The following SGCD variants were observed in gnomAD, a reference collection of about 807,000 sequenced individuals.
SGCD encodes the protein delta-sarcoglycan.
A neutral mutation model predicts 36.6 loss-of-function variants in SGCD; 18 were observed. That is an observed-to-expected ratio of 0.49 (90% CI 0.34 to 0.73). The LOEUF (loss-of-function observed/expected upper bound fraction) is 0.73, where lower values mean the gene tolerates loss of function less well. SGCD is among the 30% of genes least tolerant of loss of function. The pLI is 0.01. For missense variants in SGCD, 387 were observed against 346.7 expected, an observed-to-expected ratio of 1.12 and a Z score of -0.92; for synonymous variants, 133 against 130.6, an observed-to-expected ratio of 1.02 and a Z score of -0.12.
chr5:156,009,525 T>C (rs1758816844), intron 1 of SGCD, among the ~76,000 whole-genome samples: 1 of 152,186 alleles, frequency 6.6e-6, no homozygotes, highest in Non-Finnish European at 1.5e-5. Flanking sequence ...TGGATCATGC[T>C]CCCAAGGCTC....
rs1580961526 is a variant in SGCD at position 156,418,795 on chromosome 5, GC to G, written c.192+74120del. Among the ~76,000 whole-genome samples the G allele has an allele frequency of 3.3e-5, 5 of 152,278 alleles. No homozygotes were observed. In the East Asian group the frequency reaches 9.7e-4, roughly 29 times the overall value. On this transcript the variant is annotated intron_variant, in intron 3 of 8. Coordinates refer to ENST00000337851, the MANE Select transcript of SGCD (RefSeq NM_000337.6). Reference sequence around the variant, plus strand: ...GCTTCCATAGTAGAAGATGGTTTGTGCCAAAGTAAGTCCATTTCAAGCAAAA... The same window carrying G: ...GCTTCCATAGTAGAAGATGGTTTGTGCAAAGTAAGTCCATTTCAAGCAAAA...
At chr5:156,033,979 C>G (rs1014096449) in intron 1 of SGCD, among the ~76,000 whole-genome samples, 2 of 152,174 alleles carry the variant, frequency 1.3e-5, no homozygotes, top group African/African-American at 2.4e-5. Context: ...CAAGGGAAAA[C>G]TGTGTCTTGC....
intron 1 of SGCD, among the ~76,000 whole-genome samples, chr5:155,941,821 G>A (rs1338845393): frequency 6.6e-6 from 1 of 152,058 alleles, no homozygotes; most frequent in Non-Finnish European, 1.5e-5. Context: ...TACTATAGGA[G>A]GTGAAGTAGC....
At position 156,122,947 on chromosome 5, in the gene SGCD, G is replaced by A. The variant is rs1160336891; in HGVS notation, c.-207-909G>A. 6.2e-5 allele frequency among the ~76,000 whole-genome samples: 9 copies of A among 144,760 alleles called. 1 individual carries two copies. Among genetic ancestry groups the A allele is most frequent in the African/African-American group, 2.6e-5 (1 of 38,770 alleles). The allele number at this position is 144,760 out of a possible 152,430, so 95.0% of individuals were successfully genotyped here. A position where few individuals can be genotyped will look rare whatever the true frequency, so the allele number is the denominator to read the frequency against. On this transcript the variant is annotated intron_variant, in intron 2 of 9. Coordinates refer to the SGCD transcript ENST00000517913. ...AGAATGTGCTGATGAAATGGACAAT[G>A]TGAGGTATATAGGCAAGACAGGAAT...
chr5:156,291,172 T>A (rs1313160461), intron 3 of SGCD, among the ~76,000 whole-genome samples: 1 of 152,130 alleles, frequency 6.6e-6, no homozygotes, highest in East Asian at 1.9e-4. Context: ...GTACAAGTTT[T>A]AATGTTCAAT....
chr5:155,802,788 T>C, the SGCD span, among the ~76,000 whole-genome samples: 1 of 152,186 alleles, frequency 6.6e-6, no homozygotes, highest in East Asian at 1.9e-4. Flanking sequence ...TTCTCCTGTA[T>C]TTTTAGAGTT....
chr5:155,867,775 T>G (rs1755551006), upstream of SGCD, among the ~76,000 whole-genome samples: 2 of 152,216 alleles, frequency 1.3e-5, no homozygotes, highest in African/African-American at 4.8e-5. Context: ...TTCTCTAGGC[T>G]TGACATACAA....
chr5:156,104,355 A>C (rs967997642), intron 1 of SGCD, among the ~76,000 whole-genome samples: 1 of 152,170 alleles, frequency 6.6e-6, no homozygotes, highest in African/African-American at 2.4e-5. Flanking sequence ...TCCATATTTG[A>C]TCTTCACGAT....
At chr5:156,294,359 G>A (rs1766840744) in intron 3 of SGCD, among the ~76,000 whole-genome samples, 1 of 152,036 alleles carries the variant, frequency 6.6e-6, no homozygotes, top group Admixed American at 6.6e-5. Flanking sequence ...CATCTCAGGA[G>A]GCCGAGGCAA....
intron 3 of SGCD, among the ~76,000 whole-genome samples, chr5:156,492,742 T>A (rs960607947): frequency 6.6e-6 from 1 of 152,134 alleles, no homozygotes. Flanking sequence ...GGCCCTGGTA[T>A]GTGATGTTCC....
chr5:156,472,365 A>G (rs995377322), intron 3 of SGCD, among the ~76,000 whole-genome samples: 1 of 152,230 alleles, frequency 6.6e-6, no homozygotes, highest in African/African-American at 2.4e-5. Flanking sequence ...ACATTTTGGT[A>G]TATTCCTACT....
At chr5:156,043,784 T>C (rs1285032421) in intron 1 of SGCD, among the ~76,000 whole-genome samples, 1 of 152,190 alleles carries the variant, frequency 6.6e-6, no homozygotes, top group Non-Finnish European at 1.5e-5. Flanking sequence ...AAAGGAATTA[T>C]TACCATGTTT....
chr5:155,984,501 G>C (rs757720469), intron 1 of SGCD, among the ~76,000 whole-genome samples: 1 of 152,070 alleles, frequency 6.6e-6, no homozygotes, highest in African/African-American at 2.4e-5. Context: ...AATTCCTTTC[G>C]TTCTGAAGCA....
At chr5:156,193,793 G>A (rs568715611) in intron 3 of SGCD, among the ~76,000 whole-genome samples, 20 of 152,242 alleles carry the variant, frequency 1.3e-4, no homozygotes, top group African/African-American at 4.6e-4. Flanking sequence ...ATGCTTTTCT[G>A]GAGCCTTATG....
the SGCD span, among the ~76,000 whole-genome samples, chr5:155,816,840 A>G: frequency 1.2e-4 from 19 of 152,328 alleles, no homozygotes; most frequent in Admixed American, 3.3e-4. Context: ...AATGGCTGCT[A>G]AAAAGTAGTT....
chr5:156,423,408 A>G (rs1273599279), intron 3 of SGCD, among the ~76,000 whole-genome samples: 2 of 120,706 alleles, frequency 1.7e-5, no homozygotes, highest in African/African-American at 3.3e-5. Flanking sequence ...TTATTATAAT[A>G]TAATATATTA....
intron 6 of SGCD, among the ~76,000 whole-genome samples, chr5:156,646,519 G>A (rs1231982132): frequency 6.6e-6 from 1 of 152,064 alleles, no homozygotes; most frequent in Non-Finnish European, 1.5e-5. Flanking sequence ...TCAAAAGCAT[G>A]TTCTTTGTTG....
In SGCD at chr5:156,416,542, T is replaced by TG. The variant is rs975636613; in HGVS notation, c.192+71873dup. ...AAAAAAAAATTTTAAATGAAAAAAA[T>TG]GGGGGGGGAAAAAAGTGCTTTGGCA... is the stretch of plus-strand genomic sequence containing the variant. On this transcript the variant is annotated intron_variant, in intron 3 of 8. Transcript: ENST00000337851. Among the ~76,000 whole-genome samples the TG allele has an allele frequency of 1.0e-3, 157 of 151,852 alleles. 1 individual carries two copies. Among genetic ancestry groups the TG allele is most frequent in the Non-Finnish European group, 1.9e-3 (128 of 67,902 alleles).
At chr5:155,776,627 C>T in the SGCD span, among the ~76,000 whole-genome samples, 40,886 of 150,082 alleles carry the variant, frequency 0.27, 7,223 homozygotes, top group East Asian at 0.43. Flanking sequence ...GGGTCCTTTC[C>T]GCAACACCCC....
Sources: allele counts gnomAD v4.1 joint callset (sites outside exome capture counted in the v4.1 genomes callset), GRCh38; gene constraint gnomAD v4.1.1; transcripts MANE v1.5; gene names NCBI Gene and HGNC (gene_info 2026-07-23, HGNC 2026-07-21).